EEA1: variants seen among roughly 807,000 people sequenced by gnomAD.
EEA1 encodes early endosome antigen 1, 162kD.
EEA1 carries 111 observed loss-of-function variants against 209.2 expected under a neutral mutation model. The observed-to-expected ratio is 0.53, with a 90% CI of 0.45 to 0.62. EEA1 has a LOEUF of 0.62. Among genes scored for constraint, EEA1 ranks in the 20% least tolerant of loss-of-function variants. EEA1 has a pLI of 0.00. For missense variants in EEA1, 1,343 were observed against 1,530.8 expected, an observed-to-expected ratio of 0.88 and a Z score of 2.05; for synonymous variants, 536 against 540.6, an observed-to-expected ratio of 0.99 and a Z score of 0.12.
intron 10 of EEA1, among the ~76,000 whole-genome samples, chr12:92,833,364 C>T (rs1248988306): frequency 1.3e-5 from 2 of 152,090 alleles, no homozygotes; most frequent in African/African-American, 4.8e-5. Context: ...CAAGCTAAGA[C>T]TAATTCAAAT....
chr12:92,848,484 A>C (rs1877471973), intron 9 of EEA1, among the ~76,000 whole-genome samples: 1 of 152,140 alleles, frequency 6.6e-6, no homozygotes, highest in Admixed American at 6.5e-5. Flanking sequence ...TAAATAAAGA[A>C]AAACAAAAAA....
At chr12:92,834,951 C>T (rs753449708) in intron 10 of EEA1, among the ~76,000 whole-genome samples, 13 of 151,904 alleles carry the variant, frequency 8.6e-5, no homozygotes, top group South Asian at 2.1e-4. Context: ...GCGATCTCAG[C>T]TAACTCCAAG....
intron 5 of EEA1, among the ~76,000 whole-genome samples, chr12:92,854,966 A>T (rs953857574): frequency 6.6e-6 from 1 of 152,194 alleles, no homozygotes; most frequent in African/African-American, 2.4e-5. Flanking sequence ...CCTTTTAAGC[A>T]CTGTGAACCG....
intron 18 of EEA1, among the ~76,000 whole-genome samples, chr12:92,806,402 C>T (rs767381253): frequency 5.3e-5 from 8 of 151,978 alleles, no homozygotes; most frequent in Non-Finnish European, 1.0e-4. Flanking sequence ...GAACCCATTT[C>T]TGAAAGACAC....
intron 2 of EEA1, among the ~76,000 whole-genome samples, chr12:92,887,619 G>T (rs796580407): frequency 4.3e-4 from 65 of 152,036 alleles, no homozygotes; most frequent in African/African-American, 1.6e-3. Context: ...CCACGCTCCA[G>T]CCCAGGCAAT....
At position 92,788,711 on chromosome 12, in the gene EEA1, G is replaced by T. The variant is rs181307894; in HGVS notation, c.2968-662C>A. Among the ~76,000 whole-genome samples, 14 of 152,242 alleles carry T rather than the reference G, an allele frequency of 9.2e-5. No individual in the cohort carries two copies. The East Asian group carries it at 1.7e-3, about 19-fold the overall frequency. On this transcript the variant is annotated intron_variant, in intron 21 of 28. Coordinates refer to ENST00000322349, the MANE Select transcript of EEA1 (RefSeq NM_003566.4). ...TACCTTCAATAAAATTGCTGTTGAA[G>T]TCATTAGTGACTGCCATGTTCCAAA... is the stretch of plus-strand genomic sequence containing the variant.
At chr12:92,825,409 G>A (rs1471047492) in intron 13 of EEA1, among the ~76,000 whole-genome samples, 1 of 151,258 alleles carries the variant, frequency 6.6e-6, no homozygotes, top group African/African-American at 2.4e-5. Context: ...AGCCGAGATA[G>A]CGCCACTGCA....
At chr12:92,887,297 A>G (rs1186490595) in intron 2 of EEA1, among the ~76,000 whole-genome samples, 1 of 151,980 alleles carries the variant, frequency 6.6e-6, no homozygotes, top group East Asian at 1.9e-4. Context: ...ACCAGCCTGC[A>G]ACCAGAGTCA....
chr12:92,804,336 G>T (rs1176030405), intron 18 of EEA1, among the ~76,000 whole-genome samples: 1 of 152,114 alleles, frequency 6.6e-6, no homozygotes, highest in Non-Finnish European at 1.5e-5. Flanking sequence ...ACTGTGGGAG[G>T]CCAAGGTGGG....
intron 2 of EEA1, among the ~76,000 whole-genome samples, chr12:92,869,345 A>G (rs866550216): frequency 6.6e-6 from 1 of 152,206 alleles, no homozygotes; most frequent in African/African-American, 2.4e-5. Flanking sequence ...CAATACTTCC[A>G]GAGTTTGGTT....
chr12:92,802,700 A>AT lies in EEA1; in HGVS notation c.2373dup (p.Ser792IlefsTer2), dbSNP rs748616362. The stretch of plus-strand genomic sequence containing the variant: ...TGCTTGATACTTTCAAGGGCTTCAG[A>AT]TTTTTTCTGTAGATCCAATCTTGTA... On this transcript the variant is annotated frameshift_variant, in exon 19 of 29. Transcript: ENST00000322349. LOFTEE classifies it high-confidence loss of function. The AT allele has an allele frequency of 1.3e-6, 2 of 1,597,410 alleles. No homozygotes were observed. Among genetic ancestry groups the AT allele is most frequent in the Non-Finnish European group, 8.5e-7 (1 of 1,175,862 alleles).
chr12:92,816,317 C>T lies in EEA1; in HGVS notation c.1812G>A (p.Glu604=). Residue 604 remains glutamate (E), a synonymous_variant, in exon 15 of 29, where the codon GAG becomes GAA. Coordinates refer to ENST00000322349, the MANE Select transcript of EEA1 (RefSeq NM_003566.4). Reference sequence around the variant, plus strand: ...GTGCAGCTCTAAGATGTGCCTTCTGCTCTTGTACCTGGTCATGCAAATTCT... The same window carrying T: ...GTGCAGCTCTAAGATGTGCCTTCTGTTCTTGTACCTGGTCATGCAAATTCT... ...AQENLHDQVQ[E]QKAHLRAAQD... 1.9e-6 allele frequency: 3 copies of T among 1,613,974 alleles called. No individual in the cohort carries two copies. The highest frequency in any genetic ancestry group is 2.5e-6 in the Non-Finnish European group (3 of 1,179,898).
chr12:92,928,162 C>CA (rs375294585), intron 1 of EEA1, among the ~76,000 whole-genome samples: 23,121 of 139,052 alleles, frequency 0.17, 2,116 homozygotes, highest in African/African-American at 0.28. Context: ...AAAGCTATAC[C>CA]AAAAAAAAAA....
Position 92,829,661 on chromosome 12 carries a change from C to A in EEA1, c.1255-1600G>T, listed in dbSNP as rs553557155. On this transcript the variant is annotated intron_variant, in intron 11 of 28. Coordinates refer to ENST00000322349, the MANE Select transcript of EEA1 (RefSeq NM_003566.4). ...AGGTGTGGTAGCATGTGCCTGAAGT[C>A]CCGGCTACTCAGGAGGCTGAGGCAC... 1.1e-4 allele frequency among the ~76,000 whole-genome samples: 17 copies of A among 151,628 alleles called. No individual in the cohort carries two copies. In the South Asian group the frequency reaches 3.6e-3, roughly 32 times the overall value.
chr12:92,820,996 T>C (rs1015463370), intron 13 of EEA1: 2 of 152,094 alleles, frequency 1.3e-5, no homozygotes, highest in African/African-American at 2.4e-5. Flanking sequence ...CTGGGGAGTA[T>C]GCCATTTACT....
chr12:92,847,509 A>G (rs2136705830), intron 9 of EEA1, among the ~76,000 whole-genome samples: 1 of 152,326 alleles, frequency 6.6e-6, no homozygotes, highest in Middle Eastern at 3.4e-3. Flanking sequence ...AGTAATTAGT[A>G]ATTTTTTTCA....
intron 24 of EEA1, among the ~76,000 whole-genome samples, chr12:92,779,554 C>A (rs1239259318): frequency 6.6e-6 from 1 of 152,032 alleles, no homozygotes; most frequent in Non-Finnish European, 1.5e-5. Flanking sequence ...ACAAACTGTA[C>A]TCTCTATTTT....
chr12:92,920,302 C>T (rs1477194397), intron 1 of EEA1, among the ~76,000 whole-genome samples: 1 of 112,256 alleles, frequency 8.9e-6, no homozygotes, highest in East Asian at 2.0e-4. Flanking sequence ...CAATCCTAAG[C>T]CAAAAGAACA....
At position 92,787,912 on chromosome 12, in the gene EEA1, G is replaced by C. The variant is rs1463067767; in HGVS notation, c.3105C>G (p.Phe1035Leu). The C allele has an allele frequency of 6.2e-7, 1 of 1,612,226 alleles. No individual in the cohort carries two copies. The highest frequency in any genetic ancestry group is 1.1e-5 in the South Asian group (1 of 90,852). The change falls in exon 22 of 29, where the codon TTC (phenylalanine) becomes TTG (leucine). Residue 1035 changes from phenylalanine (F) to leucine (L), a missense_variant. Transcript: ENST00000322349. ...QETFKQLQSD[F>L]YGRESELLAT... ...CTAGAAGTTCAGATTCCCTCCCATAGAAATCAGATTGAAGCTGTTTGAAAG... is the reference window on the plus strand; with the variant it reads ...CTAGAAGTTCAGATTCCCTCCCATACAAATCAGATTGAAGCTGTTTGAAAG...
Sources: allele counts gnomAD v4.1 joint callset (sites outside exome capture counted in the v4.1 genomes callset), GRCh38; gene constraint gnomAD v4.1.1; transcripts MANE v1.5; gene names NCBI Gene and HGNC (gene_info 2026-07-23, HGNC 2026-07-21).